The following DEFB1 variants were observed in gnomAD, a reference collection of about 807,000 sequenced individuals.
DEFB1 encodes defensin beta 1, also known as beta-defensin 1.
A neutral mutation model predicts 2.6 loss-of-function variants in DEFB1; 4 were observed. That is an observed-to-expected ratio of 1.53 (90% confidence interval 0.76 to 3.51). The LOEUF is 3.51. DEFB1 is among the 30% of genes most tolerant of loss of function. The pLI, the probability that DEFB1 is intolerant of heterozygous loss-of-function variation, is 0.01. For missense variants in DEFB1, 162 were observed against 76.9 expected (o/e 2.11, Z -4.14); for synonymous variants, 56 against 28.5 (o/e 1.96, Z -3.07).
At chr8:6,871,976 G>T (rs910594831) in intron 1 of DEFB1, among the ~76,000 whole-genome samples, 1 of 152,204 alleles carries the variant, frequency 6.6e-6, no homozygotes, top group East Asian at 1.9e-4. Context: ...TCATGTTGCA[G>T]ATCTCTGTTG....
chr8:6,870,860 T>A, intron 1 of DEFB1, 34 bp from the exon 2 acceptor site: 1 of 1,578,314 alleles, frequency 6.3e-7, no homozygotes, highest in South Asian at 1.2e-5. Context: ...TTCAGACTCA[T>A]GGCTTGTAGC....
chr8:6,870,616 T>C lies in DEFB1; in HGVS notation c.*65A>G, dbSNP rs1174134319. 8.3e-6 allele frequency: 13 copies of C among 1,570,566 alleles called. No homozygotes were observed. The highest frequency in any genetic ancestry group is 1.0e-5 in the Non-Finnish European group (12 of 1,161,318). ...GTATACTTCAAAAGCAATTTTCCTT[T>C]ATTAAAAGAATGCTTATAAAAAGTT... On this transcript the variant is annotated 3_prime_UTR_variant, in exon 2 of 2. Transcript: ENST00000297439.
chr8:6,873,192 A>C (rs771020093), intron 1 of DEFB1, among the ~76,000 whole-genome samples: 2 of 152,200 alleles, frequency 1.3e-5, no homozygotes, highest in African/African-American at 2.4e-5. Context: ...TGAAGGAACA[A>C]GGTCCAGTGA....
chr8:6,876,342 G>A (rs1806528785), intron 1 of DEFB1, among the ~76,000 whole-genome samples: 1 of 152,062 alleles, frequency 6.6e-6, no homozygotes, highest in African/African-American at 2.4e-5. Context: ...CAGGCTTGGT[G>A]GCATGCACCT....
At chr8:6,875,120 G>A (rs992889628) in intron 1 of DEFB1, among the ~76,000 whole-genome samples, 2 of 149,622 alleles carry the variant, frequency 1.3e-5, no homozygotes, top group South Asian at 4.2e-4. Flanking sequence ...CCCATTGCCA[G>A]ATGGATTGTA....
At chr8:6,870,901 A>C in intron 1 of DEFB1, 75 bp from the exon 2 acceptor site, 1 of 1,492,964 alleles carries the variant, frequency 6.7e-7, no homozygotes, top group Non-Finnish European at 9.0e-7. Context: ...TCGCGAAAGC[A>C]GAACAAATAA....
At chr8:6,877,427 C>T (rs55824123) in intron 1 of DEFB1, among the ~76,000 whole-genome samples, 1 of 152,242 alleles carries the variant, frequency 6.6e-6, no homozygotes, top group South Asian at 2.1e-4. Context: ...GTGACGTGGG[C>T]TGAGGATGGG....
chr8:6,870,607 A>G lies in DEFB1; in HGVS notation c.*74T>C, dbSNP rs1806271385. The G allele has an allele frequency of 1.9e-6, 3 of 1,560,230 alleles. No individual in the cohort carries two copies. In the South Asian group the frequency reaches 3.7e-5, roughly 19 times the overall value. ...CCAAAGGAGGTATACTTCAAAAGCA[A>G]TTTTCCTTTATTAAAAGAATGCTTA... On this transcript the variant is annotated 3_prime_UTR_variant, in exon 2 of 2. Coordinates refer to ENST00000297439, the MANE Select transcript of DEFB1 (RefSeq NM_005218.4).
In DEFB1 at chr8:6,876,845, C is replaced by CAAAAAAA. The variant is rs34563802; in HGVS notation, c.61+945_61+951dup. 5.0e-4 allele frequency among the ~76,000 whole-genome samples: 29 copies of CAAAAAAA among 57,846 alleles called. 1 individual carries two copies. The highest frequency in any genetic ancestry group is 1.5e-3 in the South Asian group (2 of 1,338). The allele number at this position is 57,846 out of a possible 152,430, so 37.9% of individuals were successfully genotyped here. On this transcript the variant is annotated intron_variant, in intron 1 of 1. Transcript: ENST00000297439. ...AAAACAAAAACCAAAAACCAAAAAC[C>CAAAAAAA]AAAAAAAAAAACAAAAAAACAAAAT...
chr8:6,877,606 C>A (rs1324576886), intron 1 of DEFB1, among the ~76,000 whole-genome samples, 191 bp downstream of exon 1: 1 of 152,238 alleles, frequency 6.6e-6, no homozygotes, highest in African/African-American at 2.4e-5. Context: ...TCCTTGGCGG[C>A]TCACAGACCC....
In DEFB1 at chr8:6,870,878, A is replaced by T. The variant is rs776779996; in HGVS notation, c.62-52T>A. On this transcript the variant is annotated intron_variant, in intron 1 of 1. Coordinates refer to ENST00000297439, the MANE Select transcript of DEFB1 (RefSeq NM_005218.4). The stretch of plus-strand genomic sequence containing the variant: ...AGACTCATGGCTTGTAGCTGCAACG[A>T]TTTGAGAACATCTCGCGAAAGCAGA... 8 of 1,553,384 alleles carry T rather than the reference A, an allele frequency of 5.2e-6. 1 individual carries two copies. In the South Asian group the frequency reaches 9.7e-5, roughly 19 times the overall value.
At chr8:6,874,046 G>A (rs1806426234) in intron 1 of DEFB1, among the ~76,000 whole-genome samples, 1 of 151,910 alleles carries the variant, frequency 6.6e-6, no homozygotes, top group East Asian at 1.9e-4. Context: ...TAATCTAAAT[G>A]CTTCTGAAGG....
At position 6,870,679 on chromosome 8, in the gene DEFB1, G is replaced by A. The variant is rs754392649; in HGVS notation, c.*2C>T. On this transcript the variant is annotated 3_prime_UTR_variant, in exon 2 of 2. Transcript: ENST00000297439. ...GCGTCATTTCTTCTGGTCACTCCCA[G>A]CTCACTTGCAGCACTTGGCCTTCCC... 2.5e-6 allele frequency: 4 copies of A among 1,613,214 alleles called. No homozygotes were observed. The highest frequency in any genetic ancestry group is 3.4e-6 in the Non-Finnish European group (4 of 1,179,846).
intron 1 of DEFB1, among the ~76,000 whole-genome samples, chr8:6,874,688 C>T (rs1246644361): frequency 6.6e-6 from 1 of 152,118 alleles, no homozygotes; most frequent in African/African-American, 2.4e-5. Flanking sequence ...GTCTTATCAA[C>T]AGTTGGTTCT....
intron 1 of DEFB1, among the ~76,000 whole-genome samples, chr8:6,875,172 A>G (rs956367862): frequency 6.6e-6 from 1 of 152,014 alleles, no homozygotes; most frequent in Non-Finnish European, 1.5e-5. Flanking sequence ...TTTAGAAGAC[A>G]ATATTGGGGA....
intron 1 of DEFB1, among the ~76,000 whole-genome samples, chr8:6,874,949 T>G (rs1478259935): frequency 6.6e-6 from 1 of 150,806 alleles, no homozygotes; most frequent in Non-Finnish European, 1.5e-5. Flanking sequence ...GCCACTGCAC[T>G]ACAGCCTGGG....
At chr8:6,877,491 T>A (rs1049781635) in intron 1 of DEFB1, among the ~76,000 whole-genome samples, 5 of 152,232 alleles carry the variant, frequency 3.3e-5, no homozygotes, top group Non-Finnish European at 7.3e-5. Flanking sequence ...GGAGTCGTCT[T>A]GCAGGGGAAG....
At chr8:6,872,804 C>A (rs150809870) in intron 1 of DEFB1, among the ~76,000 whole-genome samples, 1 of 152,154 alleles carries the variant, frequency 6.6e-6, no homozygotes, top group South Asian at 2.1e-4. Flanking sequence ...ATAATGTTGA[C>A]CTCAAGTAAG....
chr8:6,877,592 T>C (rs919783621), intron 1 of DEFB1, among the ~76,000 whole-genome samples: 5 of 152,198 alleles, frequency 3.3e-5, no homozygotes, highest in African/African-American at 1.2e-4. Context: ...CCTGCCAGGC[T>C]CACTCCTTGG....
Sources: allele counts gnomAD v4.1 joint callset (sites outside exome capture counted in the v4.1 genomes callset), GRCh38; gene constraint gnomAD v4.1.1; transcripts MANE v1.5; gene names NCBI Gene and HGNC (gene_info 2026-07-23, HGNC 2026-07-21).